The following USP32 variants were observed in gnomAD, a reference collection of about 807,000 sequenced individuals.
USP32 encodes ubiquitin specific peptidase 32.
Under a neutral mutation model 204.8 loss-of-function variants are expected in USP32, and 59 were observed. The observed-to-expected ratio is 0.29, with a 90% CI of 0.23 to 0.36. USP32 has a LOEUF of 0.36. USP32 is among the 10% of genes least tolerant of loss of function. The probability of loss-of-function intolerance (pLI) is 1.00; values close to 1 mark genes in which losing one functional copy is unlikely to be tolerated. For synonymous variants in USP32, 517 were observed against 678.4 expected, an observed-to-expected ratio of 0.76 and a Z score of 3.70; for missense variants, 1,160 against 1,946.4, an observed-to-expected ratio of 0.60 and a Z score of 7.60.
chr17:60,337,511 G>A (rs138672235), intron 2 of USP32, among the ~76,000 whole-genome samples: 53 of 152,108 alleles, frequency 3.5e-4, no homozygotes, highest in South Asian at 1.2e-3. Flanking sequence ...TCAAATATTC[G>A]CTAAGTATAT....
intron 1 of USP32, among the ~76,000 whole-genome samples, chr17:60,351,133 G>A (rs1213523411): frequency 6.6e-6 from 1 of 152,030 alleles, no homozygotes; most frequent in Non-Finnish European, 1.5e-5. Context: ...AGTCAGGGGG[G>A]TAAAAGGTGA....
chr17:60,185,914 A>AG, intron 29 of USP32: 1 of 335,086 alleles, frequency 3.0e-6, no homozygotes. Flanking sequence ...AAAAATCTAA[A>AG]AATTAGCTGG....
chr17:60,385,207 C>CG (rs2089709415), intron 1 of USP32, among the ~76,000 whole-genome samples: 1 of 152,176 alleles, frequency 6.6e-6, no homozygotes. Flanking sequence ...TCGTGACCCC[C>CG]GCCCCTGCCT....
intron 2 of USP32, among the ~76,000 whole-genome samples, 185 bp downstream of exon 2, chr17:60,345,294 AGT>A (rs1390085520): frequency 1.3e-5 from 2 of 152,240 alleles, no homozygotes; most frequent in African/African-American, 2.4e-5. Flanking sequence ...ACAGCTCTGT[AGT>A]ACTCCCACTT....
At chr17:60,348,407 G>A (rs1198330843) in intron 1 of USP32, among the ~76,000 whole-genome samples, 2 of 152,046 alleles carry the variant, frequency 1.3e-5, no homozygotes, top group Non-Finnish European at 2.9e-5. Flanking sequence ...GAGAAAAGAA[G>A]GAGAAGTAGA....
intron 12 of USP32, among the ~76,000 whole-genome samples, chr17:60,235,333 T>C (rs1362246989): frequency 2.0e-5 from 3 of 152,220 alleles, no homozygotes; most frequent in African/African-American, 7.2e-5. Flanking sequence ...AGGAAGTCAT[T>C]TGCCTACTTT....
chr17:60,330,744 G>A (rs1306330926), intron 2 of USP32, among the ~76,000 whole-genome samples: 3 of 151,936 alleles, frequency 2.0e-5, no homozygotes, highest in Non-Finnish European at 2.9e-5. Context: ...ATGGGGTCTC[G>A]CTGTGTTGGC....
chr17:60,296,797 G>C (rs758815723), intron 3 of USP32, among the ~76,000 whole-genome samples: 4 of 152,082 alleles, frequency 2.6e-5, no homozygotes, highest in Non-Finnish European at 5.9e-5. Flanking sequence ...ATATAAAATG[G>C]CATGGTATTT....
chr17:60,279,834 C>T (rs2086924823), intron 5 of USP32, among the ~76,000 whole-genome samples: 1 of 149,664 alleles, frequency 6.7e-6, no homozygotes, highest in South Asian at 2.1e-4. Flanking sequence ...CAGAGCCTGT[C>T]TCAAATAATA....
chr17:60,272,224 T>C (rs1364731356), intron 5 of USP32, among the ~76,000 whole-genome samples: 2 of 152,236 alleles, frequency 1.3e-5, no homozygotes, highest in African/African-American at 2.4e-5. Context: ...TGATTCATCC[T>C]GTCAATACAA....
intron 1 of USP32, chr17:60,421,781 G>C: frequency 2.2e-6 from 2 of 928,986 alleles, no homozygotes; most frequent in Non-Finnish European, 2.6e-6. Flanking sequence ...GTCCCTGGAG[G>C]GCTCGCGGGT....
At chr17:60,374,398 TG>T (rs377671610) in intron 1 of USP32, among the ~76,000 whole-genome samples, 1 of 149,706 alleles carries the variant, frequency 6.7e-6, no homozygotes, top group African/African-American at 2.5e-5. Context: ...AGTTAAGTTT[TG>T]TTTTTTTTTT....
intron 1 of USP32, among the ~76,000 whole-genome samples, chr17:60,413,591 C>T (rs1567901361): frequency 6.6e-6 from 1 of 152,052 alleles, no homozygotes; most frequent in Admixed American, 6.6e-5. Flanking sequence ...ACTGGCTGGG[C>T]GCAGTGGCTC....
chr17:60,212,759 C>CT (rs4047749), intron 18 of USP32, among the ~76,000 whole-genome samples: 5,232 of 144,050 alleles, frequency 0.036, 101 homozygotes, highest in African/African-American at 0.057. Flanking sequence ...TAATTTATTC[C>CT]TTTTTTTTTT....
intron 11 of USP32, among the ~76,000 whole-genome samples, chr17:60,241,839 T>C (rs2085886084): frequency 6.6e-6 from 1 of 152,334 alleles, no homozygotes; most frequent in South Asian, 2.1e-4. Context: ...ATTTTCTTAA[T>C]GCTCTCTCTT....
At chr17:60,368,479 T>C (rs1315809869) in intron 1 of USP32, among the ~76,000 whole-genome samples, 1 of 151,924 alleles carries the variant, frequency 6.6e-6, no homozygotes, top group Non-Finnish European at 1.5e-5. Context: ...CAAAAGACTC[T>C]GCTTCAAACA....
intron 1 of USP32, among the ~76,000 whole-genome samples, chr17:60,375,979 T>G (rs1238146689): frequency 6.6e-6 from 1 of 152,198 alleles, no homozygotes; most frequent in African/African-American, 2.4e-5. Flanking sequence ...AATCAAAAAA[T>G]AGTAGTCAAA....
intron 2 of USP32, among the ~76,000 whole-genome samples, chr17:60,324,564 C>G (rs2088186400): frequency 6.6e-6 from 1 of 152,114 alleles, no homozygotes; most frequent in Non-Finnish European, 1.5e-5. Context: ...AAGTCACCCT[C>G]ATTTCACCTT....
chr17:60,334,640 C>G (rs939502954), intron 2 of USP32, among the ~76,000 whole-genome samples: 1 of 142,640 alleles, frequency 7.0e-6, no homozygotes, highest in African/African-American at 3.0e-5. Context: ...TGCAGTGAGC[C>G]GAGATCGCGC....
Sources: allele counts gnomAD v4.1 joint callset (sites outside exome capture counted in the v4.1 genomes callset), GRCh38; gene constraint gnomAD v4.1.1; transcripts MANE v1.5; gene names NCBI Gene and HGNC (gene_info 2026-07-23, HGNC 2026-07-21).